Variants in SYT14 observed in about 807,000 individuals in gnomAD.
SYT14 encodes synaptotagmin 14.
SYT14 carries 32 observed loss-of-function variants against 74.2 expected under a neutral mutation model. The observed-to-expected ratio is 0.43, with a 90% CI of 0.33 to 0.58. The LOEUF (loss-of-function observed/expected upper bound fraction) is 0.58. Among genes scored for constraint, SYT14 ranks in the 20% least tolerant of loss-of-function variants. SYT14 has a pLI of 0.05. For missense variants in SYT14, 791 were observed against 981.8 expected (o/e 0.81, Z 2.60); for synonymous variants, 298 against 337.7 (o/e 0.88, Z 1.29).
At chr1:210,127,830 A>G (rs1490485596) in intron 7 of SYT14, among the ~76,000 whole-genome samples, 1 of 152,016 alleles carries the variant, frequency 6.6e-6, no homozygotes, top group Non-Finnish European at 1.5e-5. Flanking sequence ...GTTCGTGACC[A>G]GCCTGGCCAA....
intron 2 of SYT14, among the ~76,000 whole-genome samples, chr1:209,995,504 C>T (rs149008156): frequency 2.6e-5 from 4 of 152,214 alleles, no homozygotes; most frequent in African/African-American, 4.8e-5. Flanking sequence ...TCTTGTCCTA[C>T]GAAAAGACAT....
chr1:209,970,407 C>T (rs1377209743), intron 2 of SYT14, among the ~76,000 whole-genome samples: 1 of 151,862 alleles, frequency 6.6e-6, no homozygotes. Context: ...TCTGTTCTGT[C>T]CTCTTGGTCT....
At chr1:210,100,023 T>C (rs1169079479) in exon 7 of SYT14, 5 of 1,613,848 alleles carry the variant, frequency 3.1e-6, no homozygotes, top group Non-Finnish European at 4.2e-6. Flanking sequence ...ATATGTCAGC[T>C]CAAGGATCAT....
chr1:210,101,825 T>C (rs1406644743), intron 7 of SYT14, among the ~76,000 whole-genome samples: 1 of 152,124 alleles, frequency 6.6e-6, no homozygotes, highest in Admixed American at 6.5e-5. Context: ...AGAAATCTCA[T>C]TTAAATTAGA....
At chr1:210,109,001 T>G (rs2451696) in intron 7 of SYT14, among the ~76,000 whole-genome samples, 117,345 of 152,044 alleles carry the variant, frequency 0.77, 45,584 homozygotes, top group East Asian at 0.94. Flanking sequence ...AGGGATAATT[T>G]TCAAGAGGGC....
chr1:210,097,044 T>C (rs1414754108), intron 6 of SYT14, among the ~76,000 whole-genome samples: 1 of 152,232 alleles, frequency 6.6e-6, no homozygotes, highest in Non-Finnish European at 1.5e-5. Context: ...ATTTCCTCCG[T>C]CCTGCTTATT....
chr1:209,949,488 G>C (rs541831821), intron 1 of SYT14, among the ~76,000 whole-genome samples: 10 of 151,484 alleles, frequency 6.6e-5, no homozygotes, highest in African/African-American at 1.9e-4. Flanking sequence ...CAGGAGAATT[G>C]CTTGAACCCG....
At chr1:210,163,024 G>A (rs1321678719) in exon 10 of SYT14, 1 of 453,620 alleles carries the variant, frequency 2.2e-6, no homozygotes, top group South Asian at 1.6e-5. Context: ...AAAAAGACTT[G>A]AAGAGGGGAT....
At chr1:210,048,298 G>C (rs188912344) in intron 5 of SYT14, among the ~76,000 whole-genome samples, 1 of 152,196 alleles carries the variant, frequency 6.6e-6, no homozygotes, top group African/African-American at 2.4e-5. Flanking sequence ...ATGTGTCCCT[G>C]TATTAGTCCA....
intron 2 of SYT14, among the ~76,000 whole-genome samples, chr1:209,992,041 T>TA: frequency 6.6e-6 from 1 of 152,272 alleles, no homozygotes; most frequent in South Asian, 2.1e-4. Flanking sequence ...ATCAAAAAGA[T>TA]ACCTGCACCT....
At chr1:210,016,893 A>C in exon 4 of SYT14, 1 of 1,231,778 alleles carries the variant, frequency 8.1e-7, no homozygotes, top group Non-Finnish European at 1.0e-6. Flanking sequence ...ATGACACAGA[A>C]ATCTATTATA....
chr1:210,066,371 C>G (rs2081296504), intron 5 of SYT14, among the ~76,000 whole-genome samples: 1 of 152,174 alleles, frequency 6.6e-6, no homozygotes, highest in African/African-American at 2.4e-5. Context: ...TATTTCTCCA[C>G]ACCTTCTCCA....
intron 5 of SYT14, among the ~76,000 whole-genome samples, chr1:210,077,147 C>T (rs56733441): frequency 0.16 from 24,976 of 152,120 alleles, 6,450 homozygotes; most frequent in African/African-American, 0.55. Context: ...AGCATCTTCT[C>T]GGCTTCTGGG....
At chr1:210,016,231 G>C in exon 4 of SYT14, 1 of 1,232,096 alleles carries the variant, frequency 8.1e-7, no homozygotes, top group Non-Finnish European at 1.0e-6. Context: ...AAAATGCCGG[G>C]TTAACAGAAG....
chr1:210,025,991 A>G (rs151175557), intron 5 of SYT14, among the ~76,000 whole-genome samples: 5 of 152,266 alleles, frequency 3.3e-5, no homozygotes, highest in East Asian at 3.9e-4. Flanking sequence ...AGCAGGTTAT[A>G]TGTTATAAAT....
chr1:210,030,935 T>TTG (rs2080519292), intron 5 of SYT14, among the ~76,000 whole-genome samples: 1 of 126,076 alleles, frequency 7.9e-6, no homozygotes, highest in African/African-American at 2.7e-5. Context: ...TTGTTTTGTT[T>TTG]TGTTTTGTTG....
intron 5 of SYT14, among the ~76,000 whole-genome samples, chr1:210,061,172 T>G (rs2081201438): frequency 6.6e-6 from 1 of 151,920 alleles, no homozygotes; most frequent in Admixed American, 6.6e-5. Context: ...TACTACACCT[T>G]GACATTAATG....
At chr1:210,092,095 T>G (rs1397558654) in intron 5 of SYT14, among the ~76,000 whole-genome samples, 2 of 152,232 alleles carry the variant, frequency 1.3e-5, no homozygotes, top group Admixed American at 1.3e-4. Flanking sequence ...GATGCCAGTT[T>G]AATGATTAAT....
At chr1:210,153,368 G>A (rs1434824990) in intron 7 of SYT14, among the ~76,000 whole-genome samples, 1 of 152,042 alleles carries the variant, frequency 6.6e-6, no homozygotes, top group African/African-American at 2.4e-5. Flanking sequence ...TATTGGAATT[G>A]AATTTAATCT....
Sources: allele counts gnomAD v4.1 joint callset (sites outside exome capture counted in the v4.1 genomes callset), GRCh38; gene constraint gnomAD v4.1.1; transcripts MANE v1.5; gene names NCBI Gene and HGNC (gene_info 2026-07-23, HGNC 2026-07-21).